The following GHR variants were observed in gnomAD, a reference collection of about 807,000 sequenced individuals.
The protein encoded by GHR is GH receptor.
In GHR, 35 loss-of-function variants were observed where a neutral mutation model predicts 67.1. The observed-to-expected ratio is 0.52, with a 90% CI of 0.40 to 0.69. The LOEUF (loss-of-function observed/expected upper bound fraction) is 0.69, where lower values mean the gene tolerates loss of function less well. GHR is among the 30% of genes least tolerant of loss of function. GHR has a pLI of 0.00. For synonymous variants in GHR, 272 were observed against 269.1 expected, an observed-to-expected ratio of 1.01 and a Z score of -0.10; for missense variants, 792 against 764.6, an observed-to-expected ratio of 1.04 and a Z score of -0.42.
chr5:42,607,009 G>A (rs774834428), intron 2 of GHR, among the ~76,000 whole-genome samples: 1 of 152,088 alleles, frequency 6.6e-6, no homozygotes, highest in African/African-American at 2.4e-5. Flanking sequence ...TCATGGGGAC[G>A]GTTTCTTCCA....
intron 3 of GHR, among the ~76,000 whole-genome samples, chr5:42,670,878 A>ATATATATATAT (rs565509422): frequency 1.6e-4 from 14 of 88,364 alleles, no homozygotes; most frequent in African/African-American, 3.9e-4. Flanking sequence ...AAAAAAAAAA[A>ATATATATATAT]AAATATATAT....
intron 2 of GHR, among the ~76,000 whole-genome samples, chr5:42,571,348 A>T (rs1750301340): frequency 6.6e-6 from 1 of 152,180 alleles, no homozygotes; most frequent in Non-Finnish European, 1.5e-5. Flanking sequence ...GCTACTATGC[A>T]GTGAGGGTCT....
At chr5:42,444,992 T>A (rs896067839) in intron 1 of GHR, among the ~76,000 whole-genome samples, 1 of 152,178 alleles carries the variant, frequency 6.6e-6, no homozygotes. Flanking sequence ...TTAGCCTCAC[T>A]CCAGTATCTT....
chr5:42,599,800 C>T lies in GHR; in HGVS notation c.71-29238C>T, dbSNP rs1752274602. On this transcript the variant is annotated intron_variant, in intron 2 of 9. Transcript: ENST00000230882. ...ATTGTCCCAATAGTTAAGGACAATC[C>T]TGGGCCTGCATTCTTTGAACAGTTG... Among the ~76,000 whole-genome samples the T allele has an allele frequency of 3.3e-5, 5 of 152,220 alleles. 1 individual carries two copies. The South Asian group carries it at 8.3e-4, about 25-fold the overall frequency.
At chr5:42,696,168 G>T (rs2111713403) in intron 5 of GHR, among the ~76,000 whole-genome samples, 1 of 152,346 alleles carries the variant, frequency 6.6e-6, no homozygotes, top group Admixed American at 6.5e-5. Flanking sequence ...TCTGCCAATA[G>T]CCAGTCCTAC....
chr5:42,599,329 C>T (rs1292352657), intron 2 of GHR, among the ~76,000 whole-genome samples: 1 of 149,428 alleles, frequency 6.7e-6, no homozygotes, highest in Non-Finnish European at 1.5e-5. Flanking sequence ...AAATCTAGCT[C>T]ATGGGCATGT....
intron 8 of GHR, among the ~76,000 whole-genome samples, chr5:42,714,490 A>G (rs1758623380): frequency 1.3e-5 from 2 of 152,212 alleles, no homozygotes; most frequent in Admixed American, 1.3e-4. Flanking sequence ...GTAGTATAGC[A>G]CTTGTAAACT....
At chr5:42,468,361 C>G in intron 1 of GHR, 9 of 1,425,204 alleles carry the variant, frequency 6.3e-6, no homozygotes, top group Non-Finnish European at 8.6e-6. Flanking sequence ...TAGCTGGGAG[C>G]TGCCCAGCAC....
rs976251085 is a variant in GHR at position 42,446,074 on chromosome 5, A to G, written c.-12+22119A>G. Among the ~76,000 whole-genome samples the G allele has an allele frequency of 2.0e-5, 3 of 152,070 alleles. No individual in the cohort carries two copies. The South Asian group carries it at 6.2e-4, about 31-fold the overall frequency. On this transcript the variant is annotated intron_variant, in intron 1 of 9. Transcript: ENST00000230882. ...TGGGGCAAAAGCAGCAGTTATTTGA[A>G]CTCAGCAAACCTGTGTTCCATATTG... is the stretch of plus-strand genomic sequence containing the variant.
intron 1 of GHR, among the ~76,000 whole-genome samples, chr5:42,483,226 A>T (rs1745732731): frequency 6.6e-6 from 1 of 151,944 alleles, no homozygotes; most frequent in Non-Finnish European, 1.5e-5. Context: ...TAATTTTTGT[A>T]TTTTTTGTAG....
intron 1 of GHR, among the ~76,000 whole-genome samples, chr5:42,550,323 C>T (rs1421232662): frequency 9.2e-5 from 14 of 152,146 alleles, no homozygotes; most frequent in Non-Finnish European, 2.1e-4. Context: ...AACCTTTAGA[C>T]TAACACTGTT....
chr5:42,450,072 C>T (rs565669485), intron 1 of GHR, among the ~76,000 whole-genome samples: 2 of 152,204 alleles, frequency 1.3e-5, no homozygotes, highest in South Asian at 4.2e-4. Flanking sequence ...AGGATTTTTG[C>T]ATGTATGTTC....
At chr5:42,490,252 A>C (rs759614146) in intron 1 of GHR, among the ~76,000 whole-genome samples, 2 of 152,188 alleles carry the variant, frequency 1.3e-5, no homozygotes, top group Non-Finnish European at 2.9e-5. Flanking sequence ...GACCACATTG[A>C]CTCTTAGTAA....
chr5:42,518,283 T>C (rs1032895606), intron 1 of GHR, among the ~76,000 whole-genome samples: 2 of 152,052 alleles, frequency 1.3e-5, no homozygotes, highest in Non-Finnish European at 2.9e-5. Context: ...AACTTCTTAT[T>C]AAAAGAGTTT....
At chr5:42,579,073 CTATAGATA>C (rs1750930750) in intron 2 of GHR, among the ~76,000 whole-genome samples, 2 of 120,364 alleles carry the variant, frequency 1.7e-5, no homozygotes, top group Non-Finnish European at 3.4e-5. Context: ...AAATCTGACA[CTATAGATA>C]GATAGATAGA....
intron 3 of GHR, among the ~76,000 whole-genome samples, chr5:42,658,723 C>A (rs1289307502): frequency 6.6e-6 from 1 of 152,034 alleles, no homozygotes. Flanking sequence ...GTGCTACTGG[C>A]ATCTAGTAGG....
At chr5:42,450,519 G>T (rs1744001879) in intron 1 of GHR, among the ~76,000 whole-genome samples, 1 of 151,946 alleles carries the variant, frequency 6.6e-6, no homozygotes, top group African/African-American at 2.4e-5. Flanking sequence ...TCTCTTCTTG[G>T]TTAATTTCAC....
At chr5:42,495,733 A>C (rs2972392) in intron 1 of GHR, among the ~76,000 whole-genome samples, 66,969 of 151,922 alleles carry the variant, frequency 0.44, 15,267 homozygotes, top group African/African-American at 0.51. Flanking sequence ...GTAAAGGAAG[A>C]ACTGCATAGT....
chr5:42,640,949 C>T (rs1034002956), intron 3 of GHR, among the ~76,000 whole-genome samples: 7 of 152,064 alleles, frequency 4.6e-5, no homozygotes, highest in East Asian at 1.9e-4. Flanking sequence ...CTGAGAGGCT[C>T]GCCATACTCC....
Sources: allele counts gnomAD v4.1 joint callset (sites outside exome capture counted in the v4.1 genomes callset), GRCh38; gene constraint gnomAD v4.1.1; transcripts MANE v1.5; gene names NCBI Gene and HGNC (gene_info 2026-07-23, HGNC 2026-07-21).